BBS9: variants seen among roughly 807,000 people sequenced by gnomAD.
BBS9 encodes Bardet-Biedl syndrome 9, also known as protein PTHB1.
Under a neutral mutation model 117.7 loss-of-function variants are expected in BBS9, and 89 were observed. That is an observed-to-expected ratio of 0.76 (90% CI 0.64 to 0.90). BBS9 has a LOEUF of 0.90. Among genes scored for constraint, BBS9 ranks in the 40% least tolerant of loss-of-function variants. The pLI is 0.00. For missense variants in BBS9, 982 were observed against 1,042.2 expected (o/e 0.94, Z 0.80); for synonymous variants, 379 against 370.9 (o/e 1.02, Z -0.25).
At chr7:33,432,753 T>A (rs1316381472) in intron 19 of BBS9, among the ~76,000 whole-genome samples, 1 of 152,100 alleles carries the variant, frequency 6.6e-6, no homozygotes, top group Non-Finnish European at 1.5e-5. Context: ...TACAAATATT[T>A]CTAGGCAAGT....
intron 19 of BBS9, among the ~76,000 whole-genome samples, chr7:33,419,568 T>C (rs1022405369): frequency 6.6e-6 from 1 of 152,134 alleles, no homozygotes; most frequent in Non-Finnish European, 1.5e-5. Flanking sequence ...CTAATGGTGG[T>C]GTGGCAAAAA....
intron 19 of BBS9, among the ~76,000 whole-genome samples, chr7:33,442,498 C>T (rs922181832): frequency 3.3e-5 from 5 of 152,016 alleles, no homozygotes; most frequent in Non-Finnish European, 4.4e-5. Context: ...CAAATTATTA[C>T]GTTTGTAGTG....
At chr7:33,531,141 A>G (rs947852551) in intron 20 of BBS9, among the ~76,000 whole-genome samples, 8 of 152,206 alleles carry the variant, frequency 5.3e-5, no homozygotes, top group African/African-American at 1.9e-4. Flanking sequence ...GCTACTCAGG[A>G]GGCTGAGACA....
At chr7:33,343,231 C>A (rs2128642774) in intron 11 of BBS9, among the ~76,000 whole-genome samples, 1 of 152,040 alleles carries the variant, frequency 6.6e-6, no homozygotes, top group East Asian at 1.9e-4. Flanking sequence ...TTAATTGGTC[C>A]CCAGAATTCA....
At chr7:33,350,256 C>T (rs993860040) in intron 13 of BBS9, among the ~76,000 whole-genome samples, 5 of 152,094 alleles carry the variant, frequency 3.3e-5, no homozygotes, top group Non-Finnish European at 7.4e-5. Context: ...ATAACCAACC[C>T]ATAGCTGAGT....
intron 19 of BBS9, among the ~76,000 whole-genome samples, chr7:33,503,100 C>A (rs1845667373): frequency 6.6e-6 from 1 of 152,124 alleles, no homozygotes; most frequent in African/African-American, 2.4e-5. Context: ...CAAGTATGAG[C>A]ATTTAACTCA....
chr7:33,387,944 TG>T lies in BBS9; in HGVS notation c.1963-47del, dbSNP rs767041618. The T allele has an allele frequency of 5.7e-6, 9 of 1,584,918 alleles. No individual in the cohort carries two copies. The East Asian group carries it at 6.7e-5, about 12-fold the overall frequency. On this transcript the variant is annotated intron_variant, in intron 18 of 22. Coordinates refer to ENST00000242067, the MANE Select transcript of BBS9 (RefSeq NM_198428.3). The stretch of plus-strand genomic sequence containing the variant: ...ATTGTGTGTATTTTTTCTTTAAAGA[TG>T]TTTTTTGTGTCCATTTAATCTCAAT...
chr7:33,590,871 AC>A lies in BBS9; in HGVS notation c.2522-13993del, dbSNP rs1042806907. ...ATAGTTTTTCTTTTTTAAAAAAAAA[AC>A]TAATAATCATGGAGCTGGGATTAAA... On this transcript the variant is annotated intron_variant, in intron 21 of 22. Coordinates refer to ENST00000242067, the MANE Select transcript of BBS9 (RefSeq NM_198428.3). Among the ~76,000 whole-genome samples the A allele has an allele frequency of 1.1e-4, 17 of 151,256 alleles. No individual in the cohort carries two copies. The South Asian group carries it at 2.1e-3, about 19-fold the overall frequency.
chr7:33,542,067 G>A (rs1852402175), intron 21 of BBS9, among the ~76,000 whole-genome samples: 1 of 151,058 alleles, frequency 6.6e-6, no homozygotes, highest in African/African-American at 2.4e-5. Context: ...GGGTACAGGT[G>A]GTATTTGGTA....
At chr7:33,630,002 G>A (rs182486064) in intron 21 of BBS9, among the ~76,000 whole-genome samples, 1 of 152,216 alleles carries the variant, frequency 6.6e-6, no homozygotes, top group Admixed American at 6.5e-5. Flanking sequence ...CTTTTATAAG[G>A]TTTGGATTCT....
At chr7:33,543,170 G>T (rs371230209) in intron 21 of BBS9, among the ~76,000 whole-genome samples, 55 of 152,186 alleles carry the variant, frequency 3.6e-4, no homozygotes, top group East Asian at 1.9e-3. Context: ...GAGTAAGGTG[G>T]TATCCCATTG....
intron 19 of BBS9, among the ~76,000 whole-genome samples, chr7:33,470,180 ACTT>A: frequency 6.6e-6 from 1 of 152,262 alleles, no homozygotes; most frequent in Middle Eastern, 3.4e-3. Context: ...CTGTGGTACT[ACTT>A]TGCCTTTTCA....
intron 21 of BBS9, among the ~76,000 whole-genome samples, chr7:33,591,705 A>G (rs1055803474): frequency 4.6e-5 from 7 of 151,966 alleles, no homozygotes; most frequent in African/African-American, 1.7e-4. Context: ...GGCCATTACG[A>G]TTTCCCATGA....
chr7:33,562,174 A>G (rs1856184630), intron 21 of BBS9, among the ~76,000 whole-genome samples: 2 of 152,248 alleles, frequency 1.3e-5, no homozygotes, highest in South Asian at 4.1e-4. Flanking sequence ...GGCATTTCAA[A>G]GAAAGACTAG....
intron 19 of BBS9, among the ~76,000 whole-genome samples, chr7:33,453,703 A>G (rs2128921576): frequency 6.6e-6 from 1 of 152,156 alleles, no homozygotes; most frequent in East Asian, 1.9e-4. Context: ...GTATGTTAGT[A>G]GAGACAGGGT....
chr7:33,579,995 T>A (rs749640186), intron 21 of BBS9, among the ~76,000 whole-genome samples: 1 of 152,208 alleles, frequency 6.6e-6, no homozygotes, highest in Non-Finnish European at 1.5e-5. Flanking sequence ...TTAGCTGTTT[T>A]AAAACCAATT....
chr7:33,617,247 T>C (rs1201463126), intron 21 of BBS9, among the ~76,000 whole-genome samples: 1 of 152,078 alleles, frequency 6.6e-6, no homozygotes, highest in African/African-American at 2.4e-5. Flanking sequence ...GAAATTCATT[T>C]TAAATATAAA....
chr7:33,502,377 G>A (rs1845579453), intron 19 of BBS9, among the ~76,000 whole-genome samples: 1 of 152,066 alleles, frequency 6.6e-6, no homozygotes, highest in East Asian at 1.9e-4. Flanking sequence ...CCAATGTGAG[G>A]TCCCTGAATG....
At chr7:33,300,422 T>C (rs1433114565) in intron 9 of BBS9, among the ~76,000 whole-genome samples, 1 of 152,222 alleles carries the variant, frequency 6.6e-6, no homozygotes, top group African/African-American at 2.4e-5. Flanking sequence ...ACTTTCTCAA[T>C]GTCAAAGCAT....
Sources: gnomAD v4.1 joint callset for allele counts (sites outside exome capture counted in the v4.1 genomes callset) on GRCh38, gnomAD v4.1.1 for gene constraint, MANE v1.5 for transcripts, NCBI Gene and HGNC (gene_info 2026-07-23, HGNC 2026-07-21) for gene names.